The following CTC1 variants were observed in gnomAD, a reference collection of about 807,000 sequenced individuals.
CTC1 encodes the protein CST telomere replication complex component 1.
A neutral mutation model predicts 136.3 loss-of-function variants in CTC1; 91 were observed. The ratio of observed to expected loss-of-function variants is 0.67; its 90% CI spans 0.56 to 0.79. The LOEUF is 0.79. Among genes scored for constraint, CTC1 ranks in the 30% least tolerant of loss-of-function variants. The pLI is 0.00. For synonymous variants in CTC1, 606 were observed against 613.8 expected (o/e 0.99, Z 0.19); for missense variants, 1,432 against 1,498.1 (o/e 0.96, Z 0.73).
chr17:8,238,698 G>A, intron 2 of CTC1, 69 bp from the exon 3 acceptor site: 2 of 1,155,672 alleles, frequency 1.7e-6, no homozygotes, highest in Non-Finnish European at 2.5e-6. Flanking sequence ...CCTCAACCCT[G>A]ATAAACCCTC....
chr17:8,244,323 G>A (rs895611340), intron 1 of CTC1, among the ~76,000 whole-genome samples: 1 of 152,208 alleles, frequency 6.6e-6, no homozygotes, highest in Non-Finnish European at 1.5e-5. Context: ...ACCTGACACA[G>A]ATTCTGGACA....
chr17:8,239,703 T>C (rs1988052182), intron 2 of CTC1, among the ~76,000 whole-genome samples: 1 of 152,084 alleles, frequency 6.6e-6, no homozygotes, highest in Non-Finnish European at 1.5e-5. Context: ...ATTACAGGCA[T>C]GAGCCACTGT....
At chr17:8,228,413 C>T (rs1370829271) in intron 22 of CTC1, 90 bp downstream of exon 22, 39 of 1,608,146 alleles carry the variant, frequency 2.4e-5, no homozygotes, top group Middle Eastern at 1.7e-4. Context: ...AATTCCCCAT[C>T]AGTCCCTCAT....
Position 8,232,771 on chromosome 17 carries a change from C to A in CTC1, c.1945+135G>T, listed in dbSNP as rs778310082. On this transcript the variant is annotated intron_variant, in intron 11 of 22. Transcript: ENST00000651323. ...CCTGTTCTCTGCCTGCCATACAAGT[C>A]TCCCAGAAGTTGTTGATTGACATGT... 5.1e-6 allele frequency: 6 copies of A among 1,179,858 alleles called. No homozygotes were observed. In the Admixed American group the frequency reaches 1.3e-4, roughly 26 times the overall value. The allele number at this position is 1,179,858 out of a possible 1,614,324, so 73.1% of individuals were successfully genotyped here. A position where few individuals can be genotyped will look rare whatever the true frequency, so the allele number is the denominator to read the frequency against.
chr17:8,237,341 C>A (rs1567612391), intron 5 of CTC1, 34 bp downstream of exon 5: 1 of 1,613,110 alleles, frequency 6.2e-7, no homozygotes, highest in African/African-American at 1.3e-5. Flanking sequence ...CCACCCTCCC[C>A]CACTTCCATG....
chr17:8,232,322 C>G, intron 12 of CTC1, 39 bp downstream of exon 12: 3 of 1,595,098 alleles, frequency 1.9e-6, no homozygotes, highest in Non-Finnish European at 2.6e-6. Flanking sequence ...CCCTTCCTTC[C>G]CCCCAGACTC....
chr17:8,236,214 C>T lies in CTC1; in HGVS notation c.921G>A (p.Leu307=). 2 of 1,614,232 alleles carry T rather than the reference C, an allele frequency of 1.2e-6. No homozygotes were observed. The highest frequency in any genetic ancestry group is 1.7e-6 in the Non-Finnish European group (2 of 1,180,050). Residue 307 remains leucine, a synonymous_variant, in exon 6 of 23, where the codon CTG becomes CTA. Coordinates refer to ENST00000651323, the MANE Select transcript of CTC1 (RefSeq NM_025099.6). ...GCACACATTCTGGTTTCAGCAGCAA[C>T]AGACGGGAGGACTGACTGGTCATCC... ...HVWMTSQSSR[L]LLLKPECVQE... is the part of the protein sequence containing the mutation.
chr17:8,237,604 G>A, intron 4 of CTC1, 85 bp from the exon 5 acceptor site: 2 of 1,070,504 alleles, frequency 1.9e-6, no homozygotes, highest in South Asian at 1.3e-5. Context: ...GGCAGAGGTT[G>A]CAGTAAGCTG....
chr17:8,245,546 C>A (rs1231580109), intron 1 of CTC1, among the ~76,000 whole-genome samples: 1 of 152,044 alleles, frequency 6.6e-6, no homozygotes, highest in Non-Finnish European at 1.5e-5. Flanking sequence ...TTGCTTGGTG[C>A]ACTGAATACG....
rs115527687 is a variant in CTC1 at position 8,234,235 on chromosome 17, A to G, written c.1818+220T>C. ...AGTGATCCTCATGCCTTAGCCTCCC[A>G]AAGTGTTGGGATTACAGGCATGAGC... is the stretch of plus-strand genomic sequence containing the variant. On this transcript the variant is annotated intron_variant, in intron 10 of 22. Transcript: ENST00000651323. Among the ~76,000 whole-genome samples, 1,642 of 152,296 alleles carry G rather than the reference A, an allele frequency of 0.011. 20 individuals carry two copies. The highest frequency in any genetic ancestry group is 0.037 in the African/African-American group (1,526 of 41,540).
rs147423378 is a variant in CTC1 at position 8,246,965 on chromosome 17, CTTATTTATTTATTTAT to C, written c.33+1023_33+1038del. Among the ~76,000 whole-genome samples, 608 of 141,496 alleles carry C rather than the reference CTTATTTATTTATTTAT, an allele frequency of 4.3e-3. 2 individuals carry two copies. The highest frequency in any genetic ancestry group is 0.012 in the African/African-American group (442 of 37,960). 92.8% of individuals were successfully genotyped at this position (141,496 alleles called of 152,430 possible). On this transcript the variant is annotated intron_variant, in intron 1 of 22. Coordinates refer to ENST00000651323, the MANE Select transcript of CTC1 (RefSeq NM_025099.6). ...CCTTTAGATTGTATTTTCTTAACAT[CTTATTTATTTATTTAT>C]TTATTTATTTATTTATTTATTTATT...
intron 1 of CTC1, among the ~76,000 whole-genome samples, chr17:8,245,734 T>C (rs908660653): frequency 6.6e-6 from 1 of 152,034 alleles, no homozygotes; most frequent in East Asian, 1.9e-4. Flanking sequence ...AGTAGTTCAC[T>C]ACTAGTCTGG....
At chr17:8,241,605 CAA>C (rs71159569) in intron 2 of CTC1, among the ~76,000 whole-genome samples, 223 of 94,536 alleles carry the variant, frequency 2.4e-3, no homozygotes, top group African/African-American at 4.2e-3. Context: ...GACTCCGTCT[CAA>C]AAAAAAAAAA....
chr17:8,235,085 C>CTGTG lies in CTC1; in HGVS notation c.1406_1407insCACA (p.Trp469CysfsTer60). The CTGTG allele has an allele frequency of 6.2e-7, 1 of 1,614,144 alleles. No individual in the cohort carries two copies. Among genetic ancestry groups the CTGTG allele is most frequent in the Non-Finnish European group, 8.5e-7 (1 of 1,180,030 alleles). ...CCAGCTCCTCCAGGGCCTTGGTAGC[C>CTGTG]CACAGGTAGAGGGGAAGTCCTAACT... On this transcript the variant is annotated frameshift_variant, in exon 8 of 23. Coordinates refer to ENST00000651323, the MANE Select transcript of CTC1 (RefSeq NM_025099.6). LOFTEE classifies it high-confidence loss of function.
At position 8,229,126 on chromosome 17, in the gene CTC1, C is replaced by T. The variant is rs372958727; in HGVS notation, c.3221+16G>A. The T allele has an allele frequency of 9.3e-5, 150 of 1,612,794 alleles. No individual in the cohort carries two copies. The African/African-American group carries it at 1.6e-3, about 17-fold the overall frequency. On this transcript the variant is annotated intron_variant, in intron 20 of 22. Transcript: ENST00000651323. ...ATAAGTAAATGGCACAATGGGTGCA[C>T]GCCTTGTGCTCTCACCTGATGATGG... is the stretch of plus-strand genomic sequence containing the variant.
At position 8,235,292 on chromosome 17, in the gene CTC1, G is replaced by T. The variant is rs746123381; in HGVS notation, c.1207-7C>A. On this transcript the variant is annotated splice_polypyrimidine_tract_variant and splice_region_variant and intron_variant, in intron 7 of 22. Transcript: ENST00000651323. ...GCAGGTGAACATCCTGGAGCTGGGG[G>T]AAAGCAGAGAAAATGAAAAAGCAGA... 22 of 1,603,012 alleles carry T rather than the reference G, an allele frequency of 1.4e-5. No individual in the cohort carries two copies. Among genetic ancestry groups the T allele is most frequent in the Non-Finnish European group, 1.7e-5 (20 of 1,170,762 alleles).
rs769988270 is a variant in CTC1 at position 8,237,387 on chromosome 17, G to A, written c.780C>T (p.Ser260=). ...GRSHPAVTHV[S]IIVQVPAQLV... is the part of the protein sequence containing the mutation. The stretch of plus-strand genomic sequence containing the variant: ...CCCCAGTCCTCACCTGCACGATGAT[G>A]GACACGTGGGTGACAGCTGGGTGTG... The change falls in exon 5 of 23, where the codon TCC becomes TCT. Residue 260 remains serine, a synonymous_variant. Coordinates refer to ENST00000651323, the MANE Select transcript of CTC1 (RefSeq NM_025099.6). 4 of 1,614,038 alleles carry A rather than the reference G, an allele frequency of 2.5e-6. No homozygotes were observed. The highest frequency in any genetic ancestry group is 2.2e-5 in the South Asian group (2 of 91,084).
Position 8,227,108 on chromosome 17 carries a change from C to T in CTC1, c.*1072G>A, listed in dbSNP as rs189822939. The T allele has an allele frequency of 6.6e-6, 1 of 152,160 alleles. No individual in the cohort carries two copies. The highest frequency in any genetic ancestry group is 2.4e-5 in the African/African-American group (1 of 41,434). 9.4% of individuals were successfully genotyped at this position (152,160 alleles called of 1,614,324 possible). On this transcript the variant is annotated 3_prime_UTR_variant, in exon 23 of 23. Coordinates refer to ENST00000651323, the MANE Select transcript of CTC1 (RefSeq NM_025099.6). ...CTTCAAATCTTAATATAGGGTATTGCTACCATAAAAGCAGCATAAATCCCA... is the reference window on the plus strand; with the variant it reads ...CTTCAAATCTTAATATAGGGTATTGTTACCATAAAAGCAGCATAAATCCCA...
intron 2 of CTC1, among the ~76,000 whole-genome samples, chr17:8,240,481 T>C (rs1318225959): frequency 1.4e-5 from 2 of 147,024 alleles, no homozygotes; most frequent in Non-Finnish European, 2.9e-5. Context: ...TTAAGTGTTA[T>C]GGACGTGGAC....
Sources: gnomAD v4.1 joint callset for allele counts (sites outside exome capture counted in the v4.1 genomes callset) on GRCh38, gnomAD v4.1.1 for gene constraint, MANE v1.5 for transcripts, NCBI Gene and HGNC (gene_info 2026-07-23, HGNC 2026-07-21) for gene names.